EYS: variants seen among roughly 807,000 people sequenced by gnomAD.
EYS encodes protein eyes shut homolog.
In EYS, 250 loss-of-function variants were observed where a neutral mutation model predicts 282.1. That is an observed-to-expected ratio of 0.89 (90% confidence interval 0.80 to 0.98). EYS has a LOEUF of 0.98. Ranked by LOEUF, EYS falls within the 50% of genes least tolerant of loss-of-function variation. EYS has a pLI of 0.00. For missense variants in EYS, 4,016 were observed against 3,709.0 expected (o/e 1.08, Z -2.15); for synonymous variants, 1,355 against 1,282.9 (o/e 1.06, Z -1.20).
intron 31 of EYS, among the ~76,000 whole-genome samples, chr6:64,219,269 A>C (rs986969885): frequency 7.2e-5 from 11 of 152,166 alleles, no homozygotes; most frequent in Non-Finnish European, 1.6e-4. Flanking sequence ...ATAAGAGGGA[A>C]GTTTTAAATT....
chr6:64,539,428 A>T (rs1415750566), intron 26 of EYS, among the ~76,000 whole-genome samples: 1 of 152,086 alleles, frequency 6.6e-6, no homozygotes, highest in East Asian at 1.9e-4. Context: ...TAAAATAATC[A>T]TCTGGGTGTG....
At chr6:65,651,964 CT>C (rs896788847) in intron 1 of EYS, among the ~76,000 whole-genome samples, 2 of 150,918 alleles carry the variant, frequency 1.3e-5, no homozygotes, top group Non-Finnish European at 1.5e-5. Context: ...ATAAAAGATT[CT>C]TTTTTTTTAC....
intron 33 of EYS, among the ~76,000 whole-genome samples, chr6:64,043,023 T>C (rs1034120904): frequency 1.3e-4 from 20 of 152,178 alleles, no homozygotes; most frequent in African/African-American, 4.1e-4. Flanking sequence ...TCCTCTTCTA[T>C]AAAAAGGAGA....
chr6:64,347,576 T>C (rs1486356885), intron 29 of EYS, among the ~76,000 whole-genome samples: 3 of 124,962 alleles, frequency 2.4e-5, no homozygotes, highest in African/African-American at 9.4e-5. Flanking sequence ...CTTATGCATA[T>C]GTTTGAAGAT....
intron 1 of EYS, among the ~76,000 whole-genome samples, chr6:65,655,891 C>T (rs893531835): frequency 7.2e-5 from 11 of 151,938 alleles, no homozygotes; most frequent in African/African-American, 2.4e-4. Context: ...AAAGCAGTGG[C>T]AGGGTTTGAG....
intron 41 of EYS, among the ~76,000 whole-genome samples, chr6:63,748,743 A>G (rs867356478): frequency 1.9e-4 from 29 of 151,714 alleles, no homozygotes; most frequent in African/African-American, 6.5e-4. Flanking sequence ...GAATTTATCT[A>G]TTTTTCCTAG....
intron 26 of EYS, among the ~76,000 whole-genome samples, chr6:64,575,864 C>G (rs558861625): frequency 6.6e-6 from 1 of 152,128 alleles, no homozygotes; most frequent in South Asian, 2.1e-4. Flanking sequence ...AATTTGGGGA[C>G]AGGCTAACAT....
At chr6:64,037,951 G>T (rs958112651) in intron 33 of EYS, among the ~76,000 whole-genome samples, 1 of 151,834 alleles carries the variant, frequency 6.6e-6, no homozygotes, top group Non-Finnish European at 1.5e-5. Context: ...TTAGGCACTG[G>T]GTAAAGTTTC....
At chr6:65,336,174 T>C (rs1253248875) in intron 10 of EYS, among the ~76,000 whole-genome samples, 2 of 151,866 alleles carry the variant, frequency 1.3e-5, no homozygotes, top group Non-Finnish European at 2.9e-5. Context: ...TCTCAGGTAG[T>C]TCTTCATAGC....
chr6:64,761,616 C>G (rs946514630), intron 22 of EYS, among the ~76,000 whole-genome samples: 3 of 152,124 alleles, frequency 2.0e-5, no homozygotes, highest in Non-Finnish European at 2.9e-5. Flanking sequence ...GCCACCATGC[C>G]CAGCTAATTT....
chr6:65,169,809 T>C (rs1327464884), intron 12 of EYS, among the ~76,000 whole-genome samples: 3 of 151,464 alleles, frequency 2.0e-5, no homozygotes, highest in Non-Finnish European at 4.4e-5. Context: ...TATATGTAAG[T>C]CTTTTAAGGA....
At chr6:64,385,150 G>A (rs1278175632) in intron 29 of EYS, among the ~76,000 whole-genome samples, 1 of 152,070 alleles carries the variant, frequency 6.6e-6, no homozygotes, top group Non-Finnish European at 1.5e-5. Flanking sequence ...ATATTCAGAG[G>A]AGCTGCATTG....
chr6:64,219,925 G>T (rs1341712055), intron 31 of EYS, among the ~76,000 whole-genome samples: 1 of 151,970 alleles, frequency 6.6e-6, no homozygotes, highest in Non-Finnish European at 1.5e-5. Context: ...GCAAACTACT[G>T]CAAGCACAAA....
chr6:65,363,676 ACAAGT>A (rs773007097), intron 8 of EYS, among the ~76,000 whole-genome samples: 55 of 152,044 alleles, frequency 3.6e-4, no homozygotes, highest in Non-Finnish European at 6.8e-4. Context: ...CTCTTTTAAT[ACAAGT>A]CAAGTTTATT....
intron 33 of EYS, among the ~76,000 whole-genome samples, chr6:64,059,932 C>G (rs1771108070): frequency 6.6e-6 from 1 of 151,992 alleles, no homozygotes; most frequent in Non-Finnish European, 1.5e-5. Context: ...TGCATTTCCT[C>G]TAAGAAATAC....
intron 22 of EYS, among the ~76,000 whole-genome samples, chr6:64,630,490 T>C (rs1427324716): frequency 6.6e-6 from 1 of 152,198 alleles, no homozygotes; most frequent in African/African-American, 2.4e-5. Flanking sequence ...TGGTTTTACT[T>C]ATTCATCTGT....
chr6:63,751,193 T>G (rs1582170406), intron 41 of EYS, among the ~76,000 whole-genome samples: 1 of 152,324 alleles, frequency 6.6e-6, no homozygotes, highest in East Asian at 1.9e-4. Context: ...TAAACAGGTC[T>G]TTATCTGTAC....
At chr6:64,929,022 C>A (rs1422899363) in intron 15 of EYS, among the ~76,000 whole-genome samples, 1 of 152,054 alleles carries the variant, frequency 6.6e-6, no homozygotes, top group Non-Finnish European at 1.5e-5. Flanking sequence ...TGTATCTCCC[C>A]AAAAGACCTT....
intron 31 of EYS, among the ~76,000 whole-genome samples, chr6:64,100,295 T>C (rs1387843636): frequency 2.0e-5 from 3 of 152,206 alleles, no homozygotes; most frequent in African/African-American, 7.2e-5. Flanking sequence ...ATACCTAATC[T>C]GCTGTTTAAT....
Sources: gnomAD v4.1 joint callset for allele counts (sites outside exome capture counted in the v4.1 genomes callset) on GRCh38, gnomAD v4.1.1 for gene constraint, MANE v1.5 for transcripts, NCBI Gene and HGNC (gene_info 2026-07-23, HGNC 2026-07-21) for gene names.